PSTPIP2: variants seen among roughly 807,000 people sequenced by gnomAD.
PSTPIP2 encodes proline-serine-threonine phosphatase-interacting protein 2.
In PSTPIP2, 33 loss-of-function variants were observed where a neutral mutation model predicts 63.3. The observed-to-expected ratio is 0.52, with a 90% CI of 0.40 to 0.70. The LOEUF (loss-of-function observed/expected upper bound fraction) is 0.70. Among genes scored for constraint, PSTPIP2 ranks in the 30% least tolerant of loss-of-function variants. PSTPIP2 has a pLI of 0.00. For missense variants in PSTPIP2, 312 were observed against 400.7 expected (o/e 0.78, Z 1.89); for synonymous variants, 125 against 132.7 (o/e 0.94, Z 0.40).
In PSTPIP2 at chr18:45,985,006, A is replaced by T. The variant is rs1446259668; in HGVS notation, c.*453T>A. ...CAGGCGGCTTCTAAGTCTTCCAGCCAAAAAGGAAGGTAATTTTAAATCTTG... is the reference window on the plus strand; with the variant it reads ...CAGGCGGCTTCTAAGTCTTCCAGCCTAAAAGGAAGGTAATTTTAAATCTTG... On this transcript the variant is annotated 3_prime_UTR_variant, in exon 15 of 15. Transcript: ENST00000409746. 1 of 167,488 alleles carries T rather than the reference A, an allele frequency of 6.0e-6. No individual in the cohort carries two copies. The highest frequency in any genetic ancestry group is 1.3e-5 in the Non-Finnish European group (1 of 78,176). The allele number at this position is 167,488 out of a possible 1,614,324, so 10.4% of individuals were successfully genotyped here.
chr18:46,045,409 G>A (rs1908347706), intron 1 of PSTPIP2, among the ~76,000 whole-genome samples: 1 of 151,184 alleles, frequency 6.6e-6, no homozygotes. Context: ...ACTATCGTAA[G>A]AACAAAAAAC....
chr18:45,986,276 C>T (rs1272817312), intron 14 of PSTPIP2, among the ~76,000 whole-genome samples: 1 of 152,164 alleles, frequency 6.6e-6, no homozygotes, highest in Non-Finnish European at 1.5e-5. Context: ...TGAACCCCAA[C>T]TCATTGAACT....
chr18:46,000,974 C>T (rs1255267412), intron 6 of PSTPIP2, among the ~76,000 whole-genome samples: 1 of 152,158 alleles, frequency 6.6e-6, no homozygotes, highest in Non-Finnish European at 1.5e-5. Context: ...GGCACATATA[C>T]ACAATGGAAC....
intron 2 of PSTPIP2, among the ~76,000 whole-genome samples, chr18:46,032,551 C>T (rs142102600): frequency 9.3e-4 from 142 of 151,924 alleles, no homozygotes; most frequent in Middle Eastern, 3.4e-3. Context: ...GTCAAGAGTT[C>T]GAGACTACCC....
intron 2 of PSTPIP2, among the ~76,000 whole-genome samples, chr18:46,032,437 T>A (rs1352524352): frequency 1.3e-5 from 2 of 152,098 alleles, no homozygotes; most frequent in African/African-American, 2.4e-5. Context: ...CCAGGAATAA[T>A]CCATGTGCCA....
intron 10 of PSTPIP2, among the ~76,000 whole-genome samples, chr18:45,993,281 G>A (rs12956734): frequency 1.3e-5 from 2 of 151,528 alleles, no homozygotes; most frequent in Admixed American, 1.3e-4. Flanking sequence ...TTTTAGTAGA[G>A]ACGGAGTTTC....
chr18:46,041,938 C>T (rs999378471), intron 1 of PSTPIP2, among the ~76,000 whole-genome samples: 24 of 152,144 alleles, frequency 1.6e-4, no homozygotes, highest in African/African-American at 2.4e-5. Context: ...AGATACCTCT[C>T]TACCCAGCCC....
chr18:45,999,414 G>T, intron 7 of PSTPIP2, 22 bp downstream of exon 7: 1 of 1,612,192 alleles, frequency 6.2e-7, no homozygotes, highest in Non-Finnish European at 8.5e-7. Context: ...AGATTTTTCG[G>T]GTTGTTAGCC....
intron 2 of PSTPIP2, chr18:46,029,093 T>TA: frequency 1.2e-6 from 1 of 815,562 alleles, no homozygotes; most frequent in East Asian, 2.4e-5. Flanking sequence ...TGGAAAGGTT[T>TA]CCAAACTGTA....
intron 2 of PSTPIP2, among the ~76,000 whole-genome samples, chr18:46,026,162 T>C (rs910658172): frequency 2.6e-5 from 4 of 152,226 alleles, no homozygotes; most frequent in African/African-American, 9.6e-5. Context: ...CAAAAAAGTC[T>C]TCTCAATTTC....
In PSTPIP2 at chr18:45,992,096, C is replaced by G. The variant is rs780258142; in HGVS notation, c.838+10G>C. The G allele has an allele frequency of 1.2e-6, 2 of 1,603,484 alleles. No individual in the cohort carries two copies. Among genetic ancestry groups the G allele is most frequent in the African/African-American group, 2.7e-5 (2 of 74,772 alleles). ...GTAAATAACACTCCCCACCCCACTG[C>G]CCCATTCACCTGGTGGAATCTGTCC... On this transcript the variant is annotated intron_variant, in intron 11 of 14. Coordinates refer to ENST00000409746, the MANE Select transcript of PSTPIP2 (RefSeq NM_024430.4).
chr18:46,046,511 G>T (rs975798581), intron 1 of PSTPIP2, among the ~76,000 whole-genome samples: 1 of 152,216 alleles, frequency 6.6e-6, no homozygotes, highest in African/African-American at 2.4e-5. Context: ...TTCTGAACCT[G>T]GAGTGGGGCA....
chr18:45,984,211 G>A lies in PSTPIP2; in HGVS notation c.*1248C>T, dbSNP rs2051445325. 6.6e-6 allele frequency: 1 copy of A among 152,104 alleles called. No homozygotes were observed. The highest frequency in any genetic ancestry group is 2.4e-5 in the African/African-American group (1 of 41,422). The allele number at this position is 152,104 out of a possible 1,614,324, so 9.4% of individuals were successfully genotyped here. The stretch of plus-strand genomic sequence containing the variant: ...TTCTGATCAATTTGTCCATAGTTCT[G>A]GAAAAGCTACTGCACAGAGCAGGAG... On this transcript the variant is annotated 3_prime_UTR_variant, in exon 15 of 15. Coordinates refer to ENST00000409746, the MANE Select transcript of PSTPIP2 (RefSeq NM_024430.4).
At chr18:46,041,018 G>A (rs774578311) in intron 1 of PSTPIP2, 4 of 458,802 alleles carry the variant, frequency 8.7e-6, no homozygotes, top group African/African-American at 6.0e-5. Flanking sequence ...TTTTTACTCT[G>A]TCCTTAAACT....
chr18:46,070,658 C>T (rs999630666), intron 1 of PSTPIP2, among the ~76,000 whole-genome samples: 3 of 152,146 alleles, frequency 2.0e-5, no homozygotes, highest in East Asian at 3.9e-4. Flanking sequence ...TATCTACAGG[C>T]ATGCACCACC....
chr18:46,016,013 C>T (rs933153709), intron 3 of PSTPIP2, 76 bp from the exon 4 acceptor site: 21 of 1,493,526 alleles, frequency 1.4e-5, no homozygotes, highest in Non-Finnish European at 1.9e-5. Context: ...CCTTTGCATG[C>T]TTCTCTCTGC....
rs773053115 is a variant in PSTPIP2, at chr18:45,997,753, C to T, written c.638G>A (p.Cys213Tyr). The change falls in exon 9 of 15, where the codon TGC (cysteine) becomes TAC (tyrosine). Residue 213 changes from cysteine to tyrosine, a missense_variant. Coordinates refer to ENST00000409746, the MANE Select transcript of PSTPIP2 (RefSeq NM_024430.4). ...EEWQSEHIKA[C>Y]EAFEAQECER... is the part of the protein sequence containing the mutation. ...GCAGCTTCCGGTTACGGGTACCTCG[C>T]AGGCCTTGATGTGCTCACTCTGCCA... 6.5e-7 allele frequency: 1 copy of T among 1,530,552 alleles called. No individual in the cohort carries two copies. Among genetic ancestry groups the T allele is most frequent in the Admixed American group, 1.8e-5 (1 of 56,364 alleles). 94.8% of individuals were successfully genotyped at this position (1,530,552 alleles called of 1,614,324 possible). A position where few individuals can be genotyped will look rare whatever the true frequency, so the allele number is the denominator to read the frequency against.
chr18:45,990,576 C>T (rs777225780), intron 13 of PSTPIP2, 146 bp downstream of exon 13: 169 of 592,298 alleles, frequency 2.9e-4, no homozygotes, highest in Non-Finnish European at 3.3e-4. Context: ...ATTACAGGCA[C>T]GCACCACCAC....
chr18:46,001,862 C>G (rs1427350989), intron 6 of PSTPIP2, among the ~76,000 whole-genome samples: 1 of 152,032 alleles, frequency 6.6e-6, no homozygotes, highest in Non-Finnish European at 1.5e-5. Context: ...GGCATCCATC[C>G]CCTCAAGCAT....
Sources: gnomAD v4.1 joint callset for allele counts (sites outside exome capture counted in the v4.1 genomes callset) on GRCh38, gnomAD v4.1.1 for gene constraint, MANE v1.5 for transcripts, NCBI Gene and HGNC (gene_info 2026-07-23, HGNC 2026-07-21) for gene names.